Variants in RAC2 observed in about 807,000 individuals in gnomAD.
RAC2 encodes the protein Rac family small GTPase 2.
A neutral mutation model predicts 24.0 loss-of-function variants in RAC2; 1 was observed. That is an observed-to-expected ratio of 0.04 (90% CI 0.01 to 0.20). The LOEUF is 0.20. Ranked by LOEUF, RAC2 falls within the 10% of genes least tolerant of loss-of-function variation. The pLI, the probability that RAC2 is intolerant of heterozygous loss-of-function variation, is 1.00. For synonymous variants in RAC2, 114 were observed against 106.8 expected (o/e 1.07, Z -0.41); for missense variants, 130 against 259.1 (o/e 0.50, Z 3.42).
chr22:37,239,707 G>A (rs1927332557), intron 2 of RAC2, among the ~76,000 whole-genome samples: 1 of 152,162 alleles, frequency 6.6e-6, no homozygotes, highest in African/African-American at 2.4e-5. Flanking sequence ...TTCAGCAAGT[G>A]GGTCCTTCAA....
At chr22:37,242,607 C>T (rs1927436659) in intron 1 of RAC2, among the ~76,000 whole-genome samples, 1 of 152,188 alleles carries the variant, frequency 6.6e-6, no homozygotes, top group South Asian at 2.1e-4. Context: ...CCTACCATCG[C>T]CCTCCCCTGG....
intron 5 of RAC2, among the ~76,000 whole-genome samples, chr22:37,227,594 C>T (rs1926918499): frequency 8.0e-6 from 1 of 124,858 alleles, no homozygotes; most frequent in South Asian, 2.7e-4. Context: ...CCCTCCCACG[C>T]CTCCCACACC....
Position 37,231,796 on chromosome 22 carries a change from C to T in RAC2, c.288+136G>A. The T allele has an allele frequency of 9.7e-7, 1 of 1,032,514 alleles. No individual in the cohort carries two copies. The highest frequency in any genetic ancestry group is 1.4e-6 in the Non-Finnish European group (1 of 692,268). The allele number at this position is 1,032,514 out of a possible 1,614,324, so 64.0% of individuals were successfully genotyped here. A position where few individuals can be genotyped will look rare whatever the true frequency, so the allele number is the denominator to read the frequency against. On this transcript the variant is annotated intron_variant, in intron 4 of 6. Coordinates refer to ENST00000249071, the MANE Select transcript of RAC2 (RefSeq NM_002872.5). This position sits in a 1 kb window ranked among gnomAD's most constrained non-coding sequence, Gnocchi z 5.5. ...TTACCCCCTCAAGTCCCTCTGCCAG[C>T]CCTGGTTGGCACTGGGGACCCTCTC...
At chr22:37,228,123 C>A (rs906725550) in intron 5 of RAC2, among the ~76,000 whole-genome samples, 3 of 152,232 alleles carry the variant, frequency 2.0e-5, no homozygotes, top group Non-Finnish European at 4.4e-5. Flanking sequence ...TTCCTTAGCA[C>A]CGTCCCTGTC....
rs1360817401 is a variant in RAC2 at position 37,225,344 on chromosome 22, T to G, written c.*698A>C. ...TATTTGCAATAGCAAAAGTCCTGAC[T>G]GGCAAGGTTTAAAAGTTTGAAGACT... On this transcript the variant is annotated 3_prime_UTR_variant, in exon 7 of 7. Transcript: ENST00000249071. The G allele has an allele frequency of 6.6e-6, 1 of 152,226 alleles. No individual in the cohort carries two copies. The highest frequency in any genetic ancestry group is 6.5e-5 in the Admixed American group (1 of 15,280). The allele number at this position is 152,226 out of a possible 1,614,324, so 9.4% of individuals were successfully genotyped here.
At chr22:37,227,900 T>C (rs1926933615) in intron 5 of RAC2, among the ~76,000 whole-genome samples, 2 of 152,146 alleles carry the variant, frequency 1.3e-5, no homozygotes, top group African/African-American at 4.8e-5. Flanking sequence ...CTTGGACACA[T>C]AGCCCTTAGT....
intron 3 of RAC2, chr22:37,232,295 AAG>A (rs577959348): frequency 4.2e-4 from 213 of 508,534 alleles, no homozygotes; most frequent in African/African-American, 3.7e-3. Context: ...CCAGAGGTTA[AAG>A]AGTTTGCCAA....
intron 5 of RAC2, 44 bp from the exon 6 acceptor site, chr22:37,226,847 G>A (rs530651151): frequency 3.2e-5 from 52 of 1,607,940 alleles, no homozygotes; most frequent in East Asian, 1.1e-4. Flanking sequence ...TAAGTGGCGG[G>A]GGGGGTTCTG....
At position 37,225,758 on chromosome 22, in the gene RAC2, A is replaced by G. The variant is rs1926810989; in HGVS notation, c.*284T>C. The G allele has an allele frequency of 6.6e-6, 1 of 152,342 alleles. No individual in the cohort carries two copies. Among genetic ancestry groups the G allele is most frequent in the African/African-American group, 2.4e-5 (1 of 41,446 alleles). The allele number at this position is 152,342 out of a possible 1,614,324, so 9.4% of individuals were successfully genotyped here. ...GATGCTTCCACATGCGGCAGTTGGC[A>G]CTGACGGCAGGAACACGGGGGTGGC... is the stretch of plus-strand genomic sequence containing the variant. On this transcript the variant is annotated 3_prime_UTR_variant, in exon 7 of 7. Transcript: ENST00000249071.
At position 37,231,981 on chromosome 22, in the gene RAC2, A is replaced by G. The variant is rs1244889997; in HGVS notation, c.239T>C (p.Ile80Thr). The G allele has an allele frequency of 1.3e-6, 2 of 1,551,032 alleles. No individual in the cohort carries two copies. Reference protein sequence around the residue: ...LSYPQTDVFLICFSLVSPASY... With the variant: ...LSYPQTDVFLTCFSLVSPASY... ...GGCTGGGCTGACGAGGGAGAAGCAG[A>G]TGAGGAAGACGTCCTGGGGACAGAG... Residue 80 changes from isoleucine to threonine, a missense_variant, in exon 4 of 7, where the codon ATC becomes ACC. By Grantham distance (89) the Ile-to-Thr change is moderately conservative. Around this residue, in one of 2 missense-constraint regions of RAC2, gnomAD observed 119 missense variants for 192.1 expected, o/e 0.62. Transcript: ENST00000249071. This position sits in a 1 kb window ranked among gnomAD's most constrained non-coding sequence, Gnocchi z 5.5.
Position 37,231,471 on chromosome 22 carries a change from A to T in RAC2, c.289-81T>A. The stretch of plus-strand genomic sequence containing the variant: ...CTGTGCGGGGATCAGAGGGAGTGTG[A>T]GGGTGTAGGGAGAGGAGAGGCAGCA... On this transcript the variant is annotated intron_variant, in intron 4 of 6. Coordinates refer to ENST00000249071, the MANE Select transcript of RAC2 (RefSeq NM_002872.5). This position sits in a 1 kb window ranked among gnomAD's most constrained non-coding sequence, Gnocchi z 5.5. 7.2e-7 allele frequency: 1 copy of T among 1,379,766 alleles called. No homozygotes were observed. The highest frequency in any genetic ancestry group is 1.0e-6 in the Non-Finnish European group (1 of 979,736). The allele number at this position is 1,379,766 out of a possible 1,614,324, so 85.5% of individuals were successfully genotyped here.
chr22:37,240,076 G>A (rs932641477), intron 2 of RAC2, among the ~76,000 whole-genome samples: 16 of 152,160 alleles, frequency 1.1e-4, no homozygotes, highest in African/African-American at 3.9e-4. Context: ...CTCTAGCCTG[G>A]GCCAGGGCAT....
chr22:37,231,873 C>T lies in RAC2; in HGVS notation c.288+59G>A, dbSNP rs573977167. The T allele has an allele frequency of 6.3e-5, 96 of 1,527,256 alleles. No individual in the cohort carries two copies. Among genetic ancestry groups the T allele is most frequent in the Non-Finnish European group, 8.1e-5 (91 of 1,125,468 alleles). 94.6% of individuals were successfully genotyped at this position (1,527,256 alleles called of 1,614,324 possible). A position where few individuals can be genotyped will look rare whatever the true frequency, so the allele number is the denominator to read the frequency against. ...ACCAGCCTAGAGTCACCAGTTCCTC[C>T]CTCTGTCCCTCAGGGTTACCTGCCC... is the stretch of plus-strand genomic sequence containing the variant. On this transcript the variant is annotated intron_variant, in intron 4 of 6. Transcript: ENST00000249071. The surrounding 1 kb of genome is among the most constrained non-coding windows in gnomAD (Gnocchi z 5.5).
At chr22:37,240,054 C>A (rs556951056) in intron 2 of RAC2, among the ~76,000 whole-genome samples, 1 of 152,218 alleles carries the variant, frequency 6.6e-6, no homozygotes, top group Admixed American at 6.5e-5. Context: ...CCTCTCCTGG[C>A]TGCCTGCCTT....
chr22:37,241,029 C>T, intron 2 of RAC2: 1 of 717,712 alleles, frequency 1.4e-6, no homozygotes, highest in South Asian at 1.5e-5. Context: ...GTGATGGGGA[C>T]CCCTGAGGGC....
intron 3 of RAC2, among the ~76,000 whole-genome samples, 155 bp from the exon 4 acceptor site, chr22:37,232,149 C>T (rs950554058): frequency 8.5e-5 from 13 of 152,176 alleles, no homozygotes; most frequent in African/African-American, 2.9e-4. Flanking sequence ...ATACCCTTCT[C>T]GCCTCTACCA....
chr22:37,227,574 C>T (rs1405487531), intron 5 of RAC2, among the ~76,000 whole-genome samples: 25 of 111,596 alleles, frequency 2.2e-4, no homozygotes, highest in Admixed American at 4.7e-4. Context: ...ATGCCTCCCA[C>T]GCCATATACC....
intron 1 of RAC2, among the ~76,000 whole-genome samples, chr22:37,243,337 C>G (rs1927462748): frequency 1.3e-5 from 2 of 152,104 alleles, no homozygotes. Flanking sequence ...ACTGAGGCCC[C>G]CAGGGGACAA....
intron 5 of RAC2, among the ~76,000 whole-genome samples, chr22:37,228,515 G>A (rs903273206): frequency 2.6e-5 from 4 of 152,264 alleles, no homozygotes; most frequent in Admixed American, 2.6e-4. Flanking sequence ...AGAGGAAGGA[G>A]AAGGGAGGGG....
Sources: allele counts gnomAD v4.1 joint callset (sites outside exome capture counted in the v4.1 genomes callset), GRCh38; gene constraint gnomAD v4.1.1; regional missense constraint gnomAD v4.1.1; non-coding constraint Gnocchi (gnomAD v3.1); transcripts MANE v1.5; gene names NCBI Gene and HGNC (gene_info 2026-07-23, HGNC 2026-07-21).